Variants in TENM3 observed in about 807,000 individuals in gnomAD.
The protein encoded by TENM3 is teneurin-3.
In TENM3, 63 loss-of-function variants were observed where a neutral mutation model predicts 255.1. That is an observed-to-expected ratio of 0.25 (90% CI 0.20 to 0.30). The LOEUF (loss-of-function observed/expected upper bound fraction) is 0.30, where lower values mean the gene tolerates loss of function less well. Ranked by LOEUF, TENM3 falls within the 10% of genes least tolerant of loss-of-function variation. The pLI is 1.00. For missense variants in TENM3, 2,929 were observed against 3,461.1 expected, an observed-to-expected ratio of 0.85 and a Z score of 3.86; for synonymous variants, 1,306 against 1,322.3, an observed-to-expected ratio of 0.99 and a Z score of 0.27.
chr4:182,376,319 A>T (rs1453988445), intron 3 of TENM3, among the ~76,000 whole-genome samples: 1 of 152,166 alleles, frequency 6.6e-6, no homozygotes, highest in Non-Finnish European at 1.5e-5. Context: ...AACAGAGTAT[A>T]ATTGAATTTT....
At chr4:181,707,093 G>T in the TENM3 span, among the ~76,000 whole-genome samples, 1 of 152,204 alleles carries the variant, frequency 6.6e-6, no homozygotes, top group Non-Finnish European at 1.5e-5. Context: ...ATGCTTTGCA[G>T]ATAAATGGGT....
chr4:181,666,371 C>G, the TENM3 span, among the ~76,000 whole-genome samples: 1 of 152,130 alleles, frequency 6.6e-6, no homozygotes, highest in Admixed American at 6.5e-5. Context: ...ATAAAAACTT[C>G]CAAAATTCAT....
intron 1 of TENM3, among the ~76,000 whole-genome samples, chr4:182,235,678 C>G (rs879261068): frequency 3.3e-5 from 5 of 152,214 alleles, no homozygotes; most frequent in Non-Finnish European, 7.3e-5. Context: ...GGAGCCATCT[C>G]TCACAAGCTG....
At chr4:182,551,613 C>G (rs976271561) in intron 3 of TENM3, among the ~76,000 whole-genome samples, 2 of 151,926 alleles carry the variant, frequency 1.3e-5, no homozygotes, top group African/African-American at 4.8e-5. Flanking sequence ...TAAGAGGCAA[C>G]CAAGCCATCA....
the TENM3 span, among the ~76,000 whole-genome samples, chr4:181,621,428 C>A: frequency 6.6e-6 from 1 of 152,120 alleles, no homozygotes; most frequent in Non-Finnish European, 1.5e-5. Flanking sequence ...GACGAGTTAA[C>A]TACTCATTTT....
At chr4:182,214,131 A>C (rs2149911659) in intron 1 of TENM3, among the ~76,000 whole-genome samples, 1 of 152,174 alleles carries the variant, frequency 6.6e-6, no homozygotes. Context: ...AATGAGAGAA[A>C]GAAGTATGTG....
chr4:181,449,578 G>A, the TENM3 span, among the ~76,000 whole-genome samples: 1 of 152,162 alleles, frequency 6.6e-6, no homozygotes. Context: ...GAGGTCAGGA[G>A]TTCGAGACCA....
chr4:181,808,213 T>C, the TENM3 span, among the ~76,000 whole-genome samples: 2 of 152,322 alleles, frequency 1.3e-5, no homozygotes, highest in South Asian at 2.1e-4. Flanking sequence ...GCCACCTACA[T>C]TGCAGCGAGG....
the TENM3 span, among the ~76,000 whole-genome samples, chr4:181,828,249 C>T: frequency 0.084 from 12,773 of 152,236 alleles, 1,144 homozygotes; most frequent in East Asian, 0.53. Context: ...CCTCTGCCGC[C>T]CCTGACTGCG....
chr4:181,558,683 C>A, the TENM3 span, among the ~76,000 whole-genome samples: 1 of 152,138 alleles, frequency 6.6e-6, no homozygotes, highest in Non-Finnish European at 1.5e-5. Context: ...AGTCCATGTT[C>A]TGTAATAACA....
At chr4:181,747,031 A>T in the TENM3 span, among the ~76,000 whole-genome samples, 1 of 152,082 alleles carries the variant, frequency 6.6e-6, no homozygotes, top group Non-Finnish European at 1.5e-5. Context: ...CATGAAGTCA[A>T]TTCCTATCAG....
the TENM3 span, among the ~76,000 whole-genome samples, chr4:181,722,867 G>C: frequency 6.6e-6 from 1 of 152,086 alleles, no homozygotes; most frequent in Non-Finnish European, 1.5e-5. Context: ...ACTGGGAAAA[G>C]CCATAGGTGA....
At chr4:182,065,940 T>A in the TENM3 span, among the ~76,000 whole-genome samples, 1 of 152,256 alleles carries the variant, frequency 6.6e-6, no homozygotes, top group East Asian at 1.9e-4. Flanking sequence ...TTGGCTGTTG[T>A]TAACAGTGCA....
intron 13 of TENM3, among the ~76,000 whole-genome samples, chr4:182,723,700 T>G (rs41463344): frequency 0.015 from 2,237 of 152,240 alleles, 61 homozygotes; most frequent in South Asian, 0.12. Flanking sequence ...AAGAGTGATG[T>G]GTAAAGTATA....
the TENM3 span, among the ~76,000 whole-genome samples, chr4:181,916,927 GGATT>G: frequency 2.0e-5 from 3 of 151,944 alleles, no homozygotes; most frequent in African/African-American, 7.2e-5. Flanking sequence ...TTTATTGAAT[GGATT>G]ATGTCTAAGT....
intron 3 of TENM3, among the ~76,000 whole-genome samples, chr4:182,397,001 T>C (rs942652742): frequency 6.6e-6 from 1 of 150,846 alleles, no homozygotes; most frequent in Non-Finnish European, 1.5e-5. Context: ...ATAAAATAAA[T>C]CTCCCACTCA....
At chr4:181,934,732 T>C in the TENM3 span, among the ~76,000 whole-genome samples, 2 of 152,204 alleles carry the variant, frequency 1.3e-5, no homozygotes, top group African/African-American at 4.8e-5. Context: ...AAGAATGTGG[T>C]GTCTAATGGC....
rs1467606995 is a variant in TENM3 at position 182,332,001 on chromosome 4, G to T, written c.232+7749G>T. Among the ~76,000 whole-genome samples the T allele has an allele frequency of 2.0e-5, 3 of 152,022 alleles. No individual in the cohort carries two copies. The East Asian group carries it at 5.8e-4, about 29-fold the overall frequency. On this transcript the variant is annotated intron_variant, in intron 2 of 27. Coordinates refer to ENST00000511685, the MANE Select transcript of TENM3 (RefSeq NM_001080477.4). ...ATATTAATCGAAAATTTCAGCTAAG[G>T]TATATATACAGAAATTTATAACTGT...
chr4:181,819,433 T>C, the TENM3 span, among the ~76,000 whole-genome samples: 11 of 152,302 alleles, frequency 7.2e-5, no homozygotes, highest in Admixed American at 2.6e-4. Context: ...GAGGTGACAG[T>C]TTTTTGCTAA....
Sources: allele counts gnomAD v4.1 joint callset (sites outside exome capture counted in the v4.1 genomes callset), GRCh38; gene constraint gnomAD v4.1.1; transcripts MANE v1.5; gene names NCBI Gene and HGNC (gene_info 2026-07-23, HGNC 2026-07-21).